The following PRICKLE1 variants were observed in gnomAD, a reference collection of about 807,000 sequenced individuals.
PRICKLE1 encodes prickle-like protein 1.
In PRICKLE1, 14 loss-of-function variants were observed where a neutral mutation model predicts 70.2. The ratio of observed to expected loss-of-function variants is 0.20; its 90% CI spans 0.13 to 0.31. PRICKLE1 has a LOEUF of 0.31. Ranked by LOEUF, PRICKLE1 falls within the 10% of genes least tolerant of loss-of-function variation. The pLI is 1.00. For missense variants in PRICKLE1, 821 were observed against 1,026.2 expected (o/e 0.80, Z 2.73); for synonymous variants, 357 against 379.9 (o/e 0.94, Z 0.70).
At chr12:42,567,357 C>T (rs1187421882) in intron 1 of PRICKLE1, among the ~76,000 whole-genome samples, 1 of 152,172 alleles carries the variant, frequency 6.6e-6, no homozygotes, top group Non-Finnish European at 1.5e-5. Context: ...GTACAGTCTG[C>T]TATAGAAATT....
At chr12:42,545,630 C>CT (rs1940193916) in intron 1 of PRICKLE1, among the ~76,000 whole-genome samples, 1 of 152,154 alleles carries the variant, frequency 6.6e-6, no homozygotes, top group Admixed American at 6.5e-5. Flanking sequence ...AGGCAGATCA[C>CT]TTGAAGTCAG....
chr12:42,486,669 T>C (rs1432541129), intron 1 of PRICKLE1, among the ~76,000 whole-genome samples: 1 of 152,220 alleles, frequency 6.6e-6, no homozygotes, highest in Non-Finnish European at 1.5e-5. Flanking sequence ...TTCCATGTTG[T>C]GTATATAGTG....
intron 1 of PRICKLE1, among the ~76,000 whole-genome samples, chr12:42,493,389 T>A (rs982995868): frequency 6.6e-6 from 1 of 152,206 alleles, no homozygotes; most frequent in Non-Finnish European, 1.5e-5. Context: ...AAATTTATTG[T>A]TTAGGTCATT....
intron 1 of PRICKLE1, among the ~76,000 whole-genome samples, chr12:42,587,943 T>G (rs1389191975): frequency 6.6e-6 from 1 of 152,310 alleles, no homozygotes; most frequent in East Asian, 1.9e-4. Context: ...TGGGATTTTT[T>G]TTTGTTTTTT....
chr12:42,568,551 G>A (rs1397434321), intron 1 of PRICKLE1, among the ~76,000 whole-genome samples: 2 of 152,160 alleles, frequency 1.3e-5, no homozygotes, highest in Non-Finnish European at 2.9e-5. Flanking sequence ...AGGGTAAGGT[G>A]GCAAATACGC....
intron 5 of PRICKLE1, among the ~76,000 whole-genome samples, chr12:42,468,193 C>T (rs538334024): frequency 9.9e-5 from 15 of 152,252 alleles, no homozygotes; most frequent in South Asian, 4.2e-4. Flanking sequence ...CCACCTTCCC[C>T]GAGGGTAACT....
At chr12:42,493,037 A>T (rs1009519179) in intron 1 of PRICKLE1, among the ~76,000 whole-genome samples, 11 of 151,506 alleles carry the variant, frequency 7.3e-5, no homozygotes, top group African/African-American at 2.4e-4. Flanking sequence ...CCATTTATTT[A>T]TTTTTTTTTA....
At chr12:42,475,640 TAC>T (rs1938493845) in intron 1 of PRICKLE1, among the ~76,000 whole-genome samples, 1 of 148,226 alleles carries the variant, frequency 6.7e-6, no homozygotes, top group Non-Finnish European at 1.5e-5. Context: ...TTTAAGGATA[TAC>T]AGTCAAAAAG....
At chr12:42,539,948 T>C (rs187207415) in intron 1 of PRICKLE1, among the ~76,000 whole-genome samples, 6 of 152,316 alleles carry the variant, frequency 3.9e-5, no homozygotes, top group Admixed American at 3.9e-4. Context: ...GAATACTTGA[T>C]ATCTCTCCCA....
At chr12:42,490,242 C>G (rs1939072255) in intron 1 of PRICKLE1, among the ~76,000 whole-genome samples, 1 of 152,102 alleles carries the variant, frequency 6.6e-6, no homozygotes, top group Admixed American at 6.6e-5. Context: ...GACATTTGAG[C>G]TGCATTTTTA....
At position 42,472,429 on chromosome 12, in the gene PRICKLE1, A is replaced by G. The variant is rs2140124993; in HGVS notation, c.88T>C (p.Leu30=). The change falls in exon 2 of 8, where the codon TTG becomes CTG. Residue 30 remains leucine, a synonymous_variant. Transcript: ENST00000345127. The stretch of plus-strand genomic sequence containing the variant: ...GGGGGGACCCAGGCGTACTCCTCCA[A>G]TGCACAGCCAGAGTCATCATCTGAT... ...STSDDDSGCA[L]EEYAWVPPGL... 5 of 1,614,080 alleles carry G rather than the reference A, an allele frequency of 3.1e-6. No individual in the cohort carries two copies. Among genetic ancestry groups the G allele is most frequent in the East Asian group, 2.2e-5 (1 of 44,876 alleles).
At chr12:42,516,791 G>C (rs1939619199) in intron 1 of PRICKLE1, among the ~76,000 whole-genome samples, 1 of 152,076 alleles carries the variant, frequency 6.6e-6, no homozygotes, top group African/African-American at 2.4e-5. Context: ...AGAATTCTTA[G>C]CTTTGTTCTC....
intron 1 of PRICKLE1, among the ~76,000 whole-genome samples, chr12:42,474,596 G>C (rs951331571): frequency 6.6e-6 from 1 of 152,142 alleles, no homozygotes; most frequent in Non-Finnish European, 1.5e-5. Flanking sequence ...TCTAAACATA[G>C]GCGTATTCCT....
chr12:42,554,884 T>G lies in PRICKLE1; in HGVS notation c.-49+34581A>C, dbSNP rs957908102. 3.4e-5 allele frequency among the ~76,000 whole-genome samples: 4 copies of G among 117,384 alleles called. No homozygotes were observed. The South Asian group carries it at 1.1e-3, about 31-fold the overall frequency. The allele number at this position is 117,384 out of a possible 152,430, so 77.0% of individuals were successfully genotyped here. ...TAAAACAAAATGGACTAGAACTTAT[T>G]TTTTTTTTTTTTCTTACACGAGTAC... is the stretch of plus-strand genomic sequence containing the variant. On this transcript the variant is annotated intron_variant, in intron 1 of 7. Coordinates refer to ENST00000345127, the MANE Select transcript of PRICKLE1 (RefSeq NM_153026.3).
chr12:42,524,431 T>C (rs1173558744), intron 1 of PRICKLE1, among the ~76,000 whole-genome samples: 1 of 152,232 alleles, frequency 6.6e-6, no homozygotes, highest in African/African-American at 2.4e-5. Context: ...ATTTTATTTT[T>C]GAGATGAAGT....
At chr12:42,517,716 T>C (rs947077082) in intron 1 of PRICKLE1, among the ~76,000 whole-genome samples, 2 of 152,106 alleles carry the variant, frequency 1.3e-5, no homozygotes, top group Non-Finnish European at 2.9e-5. Flanking sequence ...CCTCCTGGCT[T>C]TAAGGACACC....
chr12:42,496,400 C>T (rs542302612), intron 1 of PRICKLE1, among the ~76,000 whole-genome samples: 1 of 152,250 alleles, frequency 6.6e-6, no homozygotes, highest in African/African-American at 2.4e-5. Flanking sequence ...TAGCATAATT[C>T]TTAAGGGCCC....
chr12:42,525,918 A>G lies in PRICKLE1; in HGVS notation c.-48-53354T>C, dbSNP rs1158286538. On this transcript the variant is annotated intron_variant, in intron 1 of 7. Transcript: ENST00000345127. ...TAGATGTCATATGTCATTATGATCA[A>G]TGGACCAAAATCCATTGCAAAAGAC... Among the ~76,000 whole-genome samples, 8 of 152,204 alleles carry G rather than the reference A, an allele frequency of 5.3e-5. No individual in the cohort carries two copies. In the East Asian group the frequency reaches 1.5e-3, roughly 29 times the overall value.
chr12:42,579,709 T>C (rs2120790245), intron 1 of PRICKLE1, among the ~76,000 whole-genome samples: 1 of 152,282 alleles, frequency 6.6e-6, no homozygotes, highest in East Asian at 1.9e-4. Flanking sequence ...AATTGGATAG[T>C]TAGCCAGGTT....
Sources: gnomAD v4.1 joint callset for allele counts (sites outside exome capture counted in the v4.1 genomes callset) on GRCh38, gnomAD v4.1.1 for gene constraint, MANE v1.5 for transcripts, NCBI Gene and HGNC (gene_info 2026-07-23, HGNC 2026-07-21) for gene names.